Variants in RSPO2 observed in about 807,000 individuals in gnomAD.
RSPO2 encodes the protein R-spondin 2.
RSPO2 carries 14 observed loss-of-function variants against 30.9 expected under a neutral mutation model. That is an observed-to-expected ratio of 0.45 (90% CI 0.30 to 0.71). RSPO2 has a LOEUF of 0.71. RSPO2 is among the 30% of genes least tolerant of loss of function. The pLI is 0.08. For synonymous variants in RSPO2, 107 were observed against 96.4 expected, an observed-to-expected ratio of 1.11 and a Z score of -0.64; for missense variants, 264 against 301.9, an observed-to-expected ratio of 0.87 and a Z score of 0.93.
chr8:108,064,310 CA>C (rs907967327), intron 2 of RSPO2, among the ~76,000 whole-genome samples: 1 of 150,872 alleles, frequency 6.6e-6, no homozygotes, highest in African/African-American at 2.4e-5. Context: ...CCAGAATCTA[CA>C]AAAAAAACAA....
At chr8:108,046,884 C>T (rs1811922201) in intron 2 of RSPO2, among the ~76,000 whole-genome samples, 1 of 152,052 alleles carries the variant, frequency 6.6e-6, no homozygotes. Context: ...CACCTTTTAC[C>T]CAGTCAGAAG....
chr8:108,031,658 T>C (rs1417407338), intron 2 of RSPO2, among the ~76,000 whole-genome samples: 1 of 152,154 alleles, frequency 6.6e-6, no homozygotes, highest in Non-Finnish European at 1.5e-5. Context: ...TTAAAAACAA[T>C]GTTTACTGAC....
rs1419588743 is a variant in RSPO2, at chr8:107,989,219, G to A, written c.120C>T (p.Cys40=). 1.9e-6 allele frequency: 3 copies of A among 1,576,230 alleles called. No individual in the cohort carries two copies. Among genetic ancestry groups the A allele is most frequent in the Non-Finnish European group, 1.7e-6 (2 of 1,167,248 alleles). ...CCTTTGAACAAGACAAACAACCCTTGCAAATGGGATTTGATACATAACTAG... is the reference window on the plus strand; with the variant it reads ...CCTTTGAACAAGACAAACAACCCTTACAAATGGGATTTGATACATAACTAG... The part of the protein sequence containing the change: ...KRASYVSNPI[C]KGCLSCSKDN... Residue 40 remains cysteine, a synonymous_variant, in exon 3 of 6, where the codon TGC becomes TGT. Coordinates refer to ENST00000276659, the MANE Select transcript of RSPO2 (RefSeq NM_178565.5).
chr8:108,082,523 C>T (rs1434641143), intron 2 of RSPO2, 22 bp downstream of exon 2: 3 of 1,600,628 alleles, frequency 1.9e-6, no homozygotes, highest in Non-Finnish European at 2.6e-6. Flanking sequence ...CCACCACGCA[C>T]CTTTGGCAGA....
At chr8:108,048,753 G>A (rs1313174123) in intron 2 of RSPO2, among the ~76,000 whole-genome samples, 1 of 152,020 alleles carries the variant, frequency 6.6e-6, no homozygotes, top group Non-Finnish European at 1.5e-5. Context: ...TCTTTTAATT[G>A]TGATGTTAGG....
chr8:108,065,229 C>T (rs1285391873), intron 2 of RSPO2, among the ~76,000 whole-genome samples: 1 of 148,670 alleles, frequency 6.7e-6, no homozygotes, highest in Admixed American at 6.8e-5. Context: ...CAGCAAACCA[C>T]GTGGCACATG....
chr8:107,984,337 T>C (rs1353366804), intron 3 of RSPO2, among the ~76,000 whole-genome samples: 3 of 152,248 alleles, frequency 2.0e-5, no homozygotes, highest in Admixed American at 6.5e-5. Context: ...TAAATGATAA[T>C]GCAAAACCTA....
intron 2 of RSPO2, among the ~76,000 whole-genome samples, chr8:108,047,085 G>C (rs1210429475): frequency 6.6e-6 from 1 of 152,168 alleles, no homozygotes; most frequent in Admixed American, 6.5e-5. Flanking sequence ...AAGCAGGGCT[G>C]AGCTGCCAGA....
chr8:108,047,826 G>C (rs1811951034), intron 2 of RSPO2, among the ~76,000 whole-genome samples: 1 of 150,566 alleles, frequency 6.6e-6, no homozygotes, highest in African/African-American at 2.5e-5. Flanking sequence ...ACTCCAGCAT[G>C]GGTGAGAGAG....
chr8:108,008,069 T>A (rs1815515118), intron 2 of RSPO2, among the ~76,000 whole-genome samples: 1 of 152,100 alleles, frequency 6.6e-6, no homozygotes, highest in Non-Finnish European at 1.5e-5. Context: ...TGCACACACA[T>A]ACACCCAAGG....
intron 3 of RSPO2, among the ~76,000 whole-genome samples, chr8:107,965,889 TG>T (rs940853231): frequency 6.6e-6 from 1 of 152,146 alleles, no homozygotes; most frequent in African/African-American, 2.4e-5. Context: ...ACAATTATAC[TG>T]GAGAATGTAA....
intron 3 of RSPO2, among the ~76,000 whole-genome samples, chr8:107,974,534 CAG>C (rs767821579): frequency 6.6e-6 from 1 of 151,800 alleles, no homozygotes; most frequent in Non-Finnish European, 1.5e-5. Flanking sequence ...AAGAAAGAGA[CAG>C]AGAAAGAGAG....
rs184933152 is a variant in RSPO2, at chr8:107,937,854, A to G, written c.616+20226T>C. 2.0e-5 allele frequency among the ~76,000 whole-genome samples: 3 copies of G among 152,244 alleles called. No individual in the cohort carries two copies. In the East Asian group the frequency reaches 5.8e-4, roughly 29 times the overall value. On this transcript the variant is annotated intron_variant, in intron 5 of 5. Coordinates refer to ENST00000276659, the MANE Select transcript of RSPO2 (RefSeq NM_178565.5). ...ATGCTTCACCAAATGAATTTGATCC[A>G]TATACAGGTAGTGCTCCCCATCAAT...
At chr8:108,055,290 G>A (rs1812208501) in intron 2 of RSPO2, among the ~76,000 whole-genome samples, 1 of 152,180 alleles carries the variant, frequency 6.6e-6, no homozygotes, top group African/African-American at 2.4e-5. Context: ...ATGAGAGACA[G>A]AAAGAAGCCC....
At chr8:108,058,944 A>T (rs1812355115) in intron 2 of RSPO2, among the ~76,000 whole-genome samples, 1 of 151,736 alleles carries the variant, frequency 6.6e-6, no homozygotes. Flanking sequence ...ATGGGCAAGG[A>T]CTTCATGTCT....
intron 5 of RSPO2, among the ~76,000 whole-genome samples, chr8:107,903,040 C>T (rs183357074): frequency 8.5e-4 from 130 of 152,114 alleles, no homozygotes; most frequent in Middle Eastern, 3.4e-3. Context: ...TGATGAGACA[C>T]ACCAAAGGAG....
chr8:107,960,732 A>G lies in RSPO2; in HGVS notation c.369T>C (p.Arg123=). Residue 123 remains arginine, a synonymous_variant, in exon 4 of 6, where the codon CGT becomes CGC. Transcript: ENST00000276659. ...CKVGFYLHRG[R]CFDECPDGFA... is the part of the protein sequence containing the mutation. ...AACCATCTGGACATTCATCAAAGCA[A>G]CGGCCTCTATGCAAATAAAAGCCTA... 6.2e-7 allele frequency: 1 copy of G among 1,613,606 alleles called. No individual in the cohort carries two copies. Among genetic ancestry groups the G allele is most frequent in the Non-Finnish European group, 8.5e-7 (1 of 1,179,712 alleles).
At chr8:107,954,039 C>G (rs1813335559) in intron 5 of RSPO2, among the ~76,000 whole-genome samples, 1 of 152,124 alleles carries the variant, frequency 6.6e-6, no homozygotes, top group South Asian at 2.1e-4. Flanking sequence ...AATCCCATGC[C>G]TAGACTTATG....
At chr8:107,997,637 G>T (rs1035918171) in intron 2 of RSPO2, among the ~76,000 whole-genome samples, 1 of 152,172 alleles carries the variant, frequency 6.6e-6, no homozygotes, top group East Asian at 1.9e-4. Context: ...GAAAAACCAT[G>T]AGACTGAAAC....
Sources: allele counts gnomAD v4.1 joint callset (sites outside exome capture counted in the v4.1 genomes callset), GRCh38; gene constraint gnomAD v4.1.1; transcripts MANE v1.5; gene names NCBI Gene and HGNC (gene_info 2026-07-23, HGNC 2026-07-21).